Variants in FRMD3 observed in about 807,000 individuals in gnomAD.
FRMD3 encodes FERM domain-containing protein 3.
In FRMD3, 33 loss-of-function variants were observed where a neutral mutation model predicts 70.2. That is an observed-to-expected ratio of 0.47 (90% CI 0.36 to 0.63). FRMD3 has a LOEUF of 0.63. Among genes scored for constraint, FRMD3 ranks in the 20% least tolerant of loss-of-function variants. The pLI is 0.00. For synonymous variants in FRMD3, 279 were observed against 255.9 expected (o/e 1.09, Z -0.86); for missense variants, 632 against 711.4 (o/e 0.89, Z 1.27).
chr9:83,308,489 C>T (rs1835226150), intron 10 of FRMD3, among the ~76,000 whole-genome samples: 2 of 152,154 alleles, frequency 1.3e-5, no homozygotes, highest in African/African-American at 4.8e-5. Context: ...AAGACAGAAT[C>T]TCACTGTAAG....
At chr9:83,577,187 G>T in the FRMD3 span, among the ~76,000 whole-genome samples, 1 of 151,876 alleles carries the variant, frequency 6.6e-6, no homozygotes, top group South Asian at 2.1e-4. Flanking sequence ...CCTATCAAAA[G>T]CCCAGCTGAC....
chr9:83,575,125 C>G, the FRMD3 span, among the ~76,000 whole-genome samples: 1 of 152,132 alleles, frequency 6.6e-6, no homozygotes, highest in African/African-American at 2.4e-5. Context: ...ACTCACAATG[C>G]CTGCTCCCTA....
chr9:83,414,592 A>G (rs961401733), intron 1 of FRMD3, among the ~76,000 whole-genome samples: 1 of 152,244 alleles, frequency 6.6e-6, no homozygotes, highest in Non-Finnish European at 1.5e-5. Context: ...TTATCTGACA[A>G]AAGACTCATG....
intron 1 of FRMD3, among the ~76,000 whole-genome samples, chr9:83,528,946 A>T (rs1829739753): frequency 6.6e-6 from 1 of 151,872 alleles, no homozygotes; most frequent in Non-Finnish European, 1.5e-5. Flanking sequence ...ATTTAAAAAT[A>T]ACAATAAACC....
chr9:83,405,297 A>C (rs934604771), intron 1 of FRMD3, among the ~76,000 whole-genome samples: 1 of 152,132 alleles, frequency 6.6e-6, no homozygotes, highest in Non-Finnish European at 1.5e-5. Context: ...CTCAGACCCA[A>C]GCTGAGGCAG....
At chr9:83,468,609 C>T (rs1012648720) in intron 1 of FRMD3, among the ~76,000 whole-genome samples, 1 of 152,230 alleles carries the variant, frequency 6.6e-6, no homozygotes, top group Non-Finnish European at 1.5e-5. Flanking sequence ...ATTTAGTTCT[C>T]AGCTCTGTCA....
intron 13 of FRMD3, among the ~76,000 whole-genome samples, chr9:83,287,111 C>G (rs918059849): frequency 2.0e-5 from 3 of 152,218 alleles, no homozygotes; most frequent in African/African-American, 7.2e-5. Flanking sequence ...GTTGCATTCT[C>G]TCTGCCTGCT....
chr9:83,313,116 A>G (rs967888688), intron 7 of FRMD3, among the ~76,000 whole-genome samples: 2 of 152,230 alleles, frequency 1.3e-5, no homozygotes, highest in African/African-American at 4.8e-5. Context: ...TTGATTAAAA[A>G]GGCAGATTCC....
intron 1 of FRMD3, among the ~76,000 whole-genome samples, chr9:83,428,467 G>T (rs1008768014): frequency 6.6e-6 from 1 of 151,714 alleles, no homozygotes; most frequent in Non-Finnish European, 1.5e-5. Context: ...AGAATGGAAG[G>T]ATACTTCCAT....
chr9:83,427,826 T>C (rs563047860), intron 1 of FRMD3, among the ~76,000 whole-genome samples: 2 of 152,250 alleles, frequency 1.3e-5, no homozygotes, highest in South Asian at 4.1e-4. Flanking sequence ...TGATCAGTAA[T>C]TGGGAAAACA....
chr9:83,292,599 C>T (rs1834477829), intron 12 of FRMD3, among the ~76,000 whole-genome samples: 1 of 152,078 alleles, frequency 6.6e-6, no homozygotes, highest in Non-Finnish European at 1.5e-5. Context: ...ATTTTAAGTC[C>T]CAGTCTTGAT....
chr9:83,320,807 G>A (rs1328201263), intron 6 of FRMD3, among the ~76,000 whole-genome samples: 1 of 151,926 alleles, frequency 6.6e-6, no homozygotes, highest in African/African-American at 2.4e-5. Context: ...GATCCTGGAT[G>A]GATGTTGTTT....
At chr9:83,412,043 AT>A (rs1160427202) in intron 1 of FRMD3, among the ~76,000 whole-genome samples, 1 of 152,172 alleles carries the variant, frequency 6.6e-6, no homozygotes, top group Non-Finnish European at 1.5e-5. Context: ...CCTTTCAGTT[AT>A]TACCTCCCCA....
chr9:83,342,897 C>G (rs72743075), intron 5 of FRMD3, among the ~76,000 whole-genome samples: 4,158 of 152,310 alleles, frequency 0.027, 88 homozygotes, highest in Non-Finnish European at 0.04. Context: ...TATAAACCCA[C>G]CCATTCCACA....
intron 1 of FRMD3, among the ~76,000 whole-genome samples, chr9:83,393,945 T>TG (rs1491173910): frequency 9.7e-6 from 1 of 102,856 alleles, no homozygotes; most frequent in Non-Finnish European, 2.1e-5. Context: ...TTTTTGTTGT[T>TG]GTTGTTTTTT....
chr9:83,413,341 G>A (rs1826332293), intron 1 of FRMD3, among the ~76,000 whole-genome samples: 1 of 152,158 alleles, frequency 6.6e-6, no homozygotes, highest in Non-Finnish European at 1.5e-5. Context: ...GAGCAGAATG[G>A]AAGGTCCTGT....
At chr9:83,269,838 TCTCA>T (rs1385738789) in intron 13 of FRMD3, among the ~76,000 whole-genome samples, 6 of 152,252 alleles carry the variant, frequency 3.9e-5, no homozygotes, top group Non-Finnish European at 8.8e-5. Context: ...TTAAACCTGC[TCTCA>T]CTCTTTACGC....
At chr9:83,257,538 G>T (rs1173984384) in intron 13 of FRMD3, among the ~76,000 whole-genome samples, 1 of 152,068 alleles carries the variant, frequency 6.6e-6, no homozygotes, top group African/African-American at 2.4e-5. Context: ...AAAAAATCTT[G>T]AGTGTAAATT....
chr9:83,318,458 A>G (rs564025885), intron 6 of FRMD3, among the ~76,000 whole-genome samples: 5 of 151,748 alleles, frequency 3.3e-5, no homozygotes, highest in African/African-American at 1.2e-4. Flanking sequence ...ATAGTATTCC[A>G]TGCTATATAT....
Sources: allele counts gnomAD v4.1 joint callset (sites outside exome capture counted in the v4.1 genomes callset), GRCh38; gene constraint gnomAD v4.1.1; transcripts MANE v1.5; gene names NCBI Gene and HGNC (gene_info 2026-07-23, HGNC 2026-07-21).